POMK: variants seen among roughly 807,000 people sequenced by gnomAD.
The protein encoded by POMK is Sugen kinase 196.
A neutral mutation model predicts 23.0 loss-of-function variants in POMK; 19 were observed. The observed-to-expected ratio is 0.83, with a 90% confidence interval of 0.58 to 1.21. The LOEUF is 1.21. POMK is among the 50% of genes most tolerant of loss of function. POMK has a pLI of 0.00. For missense variants in POMK, 410 were observed against 431.3 expected (o/e 0.95, Z 0.44); for synonymous variants, 173 against 171.6 (o/e 1.01, Z -0.06).
intron 4 of POMK, 45 bp downstream of exon 4, chr8:43,103,875 C>A (rs775727817): frequency 6.3e-7 from 1 of 1,586,290 alleles, no homozygotes; most frequent in Non-Finnish European, 8.6e-7. Flanking sequence ...TGTTATTTCG[C>A]TTAACACAGT....
chr8:43,111,826 T>G (rs1811675009), intron 4 of POMK, among the ~76,000 whole-genome samples: 1 of 152,218 alleles, frequency 6.6e-6, no homozygotes. Flanking sequence ...GGAGTGGACT[T>G]CCAGTAAACT....
At chr8:43,114,681 A>G (rs1234834218) in intron 4 of POMK, among the ~76,000 whole-genome samples, 1 of 152,394 alleles carries the variant, frequency 6.6e-6, no homozygotes, top group East Asian at 1.9e-4. Context: ...ATGGAAATGC[A>G]GAAATCACCT....
chr8:43,116,778 C>T (rs746071069), intron 4 of POMK, among the ~76,000 whole-genome samples: 5 of 152,130 alleles, frequency 3.3e-5, no homozygotes, highest in Non-Finnish European at 7.4e-5. Context: ...GTATTATATA[C>T]TGTATTCTTC....
chr8:43,100,888 T>C (rs1811427056), intron 2 of POMK, among the ~76,000 whole-genome samples: 1 of 151,960 alleles, frequency 6.6e-6, no homozygotes, highest in African/African-American at 2.4e-5. Flanking sequence ...ACGAGGACAC[T>C]CTAGGAAGGG....
chr8:43,111,266 G>A (rs972441321), intron 4 of POMK, among the ~76,000 whole-genome samples: 2 of 152,206 alleles, frequency 1.3e-5, no homozygotes, highest in African/African-American at 4.8e-5. Context: ...GGCACACCAG[G>A]AGATTATATC....
intron 4 of POMK, among the ~76,000 whole-genome samples, chr8:43,121,240 G>A (rs1485492656): frequency 1.3e-5 from 2 of 152,190 alleles, no homozygotes; most frequent in African/African-American, 4.8e-5. Flanking sequence ...TGAGCCTGGG[G>A]CAGGAATCTC....
chr8:43,121,765 C>A (rs1048640572), intron 4 of POMK, among the ~76,000 whole-genome samples: 1 of 152,206 alleles, frequency 6.6e-6, no homozygotes, highest in African/African-American at 2.4e-5. Flanking sequence ...AGCTAGCACT[C>A]CCCTGCCCTA....
chr8:43,096,121 G>T (rs1399118737), intron 1 of POMK, among the ~76,000 whole-genome samples: 1 of 152,236 alleles, frequency 6.6e-6, no homozygotes, highest in East Asian at 1.9e-4. Flanking sequence ...GGGTGCAGTG[G>T]TGAACAGGAC....
chr8:43,098,521 A>G (rs371150602), intron 2 of POMK, among the ~76,000 whole-genome samples: 5 of 152,210 alleles, frequency 3.3e-5, no homozygotes, highest in South Asian at 2.1e-4. Context: ...TCATCTGCCA[A>G]TGGACACTTG....
chr8:43,114,607 G>A lies in POMK; in HGVS notation c.283-7500G>A, dbSNP rs1018946684. Among the ~76,000 whole-genome samples, 32 of 152,334 alleles carry A rather than the reference G, an allele frequency of 2.1e-4. 1 individual carries two copies. The highest frequency in any genetic ancestry group is 6.7e-4 in the African/African-American group (28 of 41,588). ...CCGTGCTTCGGCTCGTGCACGGTGC[G>A]CTGCACCCACTGTCCTGCACCCACT... On this transcript the variant is annotated intron_variant, in intron 4 of 4. Coordinates refer to ENST00000331373, the MANE Select transcript of POMK (RefSeq NM_032237.5).
rs1178006567 is a variant in POMK at position 43,122,606 on chromosome 8, C to G, written c.782C>G (p.Pro261Arg). The G allele has an allele frequency of 6.2e-7, 1 of 1,614,026 alleles. No individual in the cohort carries two copies. The highest frequency in any genetic ancestry group is 2.2e-5 in the East Asian group (1 of 44,886). ...GDFVAPEQLW[P>R]YGEDVPFHDD... ...TTCGTGGCTCCAGAGCAACTGTGGC[C>G]CTATGGAGAGGACGTGCCTTTCCAC... The change falls in exon 5 of 5, where the codon CCC (proline) becomes CGC (arginine). Residue 261 changes from proline (P) to arginine (R), a missense_variant. By Grantham distance (103) the Pro-to-Arg change is moderately radical. Coordinates refer to ENST00000331373, the MANE Select transcript of POMK (RefSeq NM_032237.5).
Position 43,103,594 on chromosome 8 carries a change from G to A in POMK, c.46G>A (p.Glu16Lys), listed in dbSNP as rs760216520. The A allele has an allele frequency of 2.2e-5, 35 of 1,614,050 alleles. No individual in the cohort carries two copies. The highest frequency in any genetic ancestry group is 1.6e-4 in the Middle Eastern group (1 of 6,084). ...QNSRRGLAPR[E>K]VPPAVGLLLI... Reference sequence around the variant, plus strand: ...CAGCAGGAGAGGCCTCGCCCCCCGAGAGGTGCCGCCAGCTGTTGGGCTGCT... The same window carrying A: ...CAGCAGGAGAGGCCTCGCCCCCCGAAAGGTGCCGCCAGCTGTTGGGCTGCT... Residue 16 changes from glutamate to lysine, a missense_variant, in exon 4 of 5, where the codon GAG becomes AAG. Transcript: ENST00000331373.
intron 2 of POMK, among the ~76,000 whole-genome samples, chr8:43,098,571 G>C (rs142260224): frequency 1.8e-3 from 272 of 152,276 alleles, no homozygotes; most frequent in African/African-American, 6.4e-3. Flanking sequence ...TAATGCTTCC[G>C]TGAACATTCA....
At chr8:43,112,674 G>T (rs1424349454) in intron 4 of POMK, among the ~76,000 whole-genome samples, 3 of 152,062 alleles carry the variant, frequency 2.0e-5, no homozygotes, top group South Asian at 2.1e-4. Flanking sequence ...GAAAGGTCGG[G>T]TTACCCACAA....
chr8:43,121,419 A>T (rs952901457), intron 4 of POMK, among the ~76,000 whole-genome samples: 4 of 152,226 alleles, frequency 2.6e-5, no homozygotes, highest in African/African-American at 9.6e-5. Flanking sequence ...GGACTCTATG[A>T]GAAGGTCTAG....
At chr8:43,105,124 T>C (rs1213714810) in intron 4 of POMK, among the ~76,000 whole-genome samples, 1 of 152,234 alleles carries the variant, frequency 6.6e-6, no homozygotes, top group Non-Finnish European at 1.5e-5. Flanking sequence ...CTACTTACAG[T>C]GTGTAGTTAG....
chr8:43,100,318 G>A lies in POMK; in HGVS notation c.-117-2187G>A, dbSNP rs371882493. Among the ~76,000 whole-genome samples, 7 of 152,146 alleles carry A rather than the reference G, an allele frequency of 4.6e-5. No individual in the cohort carries two copies. In the East Asian group the frequency reaches 1.3e-3, roughly 29 times the overall value. Reference sequence around the variant, plus strand: ...CTTAGGGAAGTGGGCAGCAGAGCGGGTGAGGGACCCGTGGGTGTATCACAG... The same window carrying A: ...CTTAGGGAAGTGGGCAGCAGAGCGGATGAGGGACCCGTGGGTGTATCACAG... On this transcript the variant is annotated intron_variant, in intron 2 of 4. Transcript: ENST00000331373.
At chr8:43,106,706 C>T (rs1275527819) in intron 4 of POMK, among the ~76,000 whole-genome samples, 1 of 152,014 alleles carries the variant, frequency 6.6e-6, no homozygotes, top group African/African-American at 2.4e-5. Context: ...TCCATGTTGG[C>T]CAGGCTGGTC....
chr8:43,096,646 C>G (rs1811340260), intron 1 of POMK, among the ~76,000 whole-genome samples: 1 of 150,998 alleles, frequency 6.6e-6, no homozygotes, highest in Non-Finnish European at 1.5e-5. Flanking sequence ...GCACTCCAGC[C>G]TGGTGACAGA....
Sources: gnomAD v4.1 joint callset for allele counts (sites outside exome capture counted in the v4.1 genomes callset) on GRCh38, gnomAD v4.1.1 for gene constraint, MANE v1.5 for transcripts, NCBI Gene and HGNC (gene_info 2026-07-23, HGNC 2026-07-21) for gene names.